Variants in P3H2 observed in about 807,000 individuals in gnomAD.
P3H2 encodes leprecan-like 1.
P3H2 carries 80 observed loss-of-function variants against 87.0 expected under a neutral mutation model. The observed-to-expected ratio is 0.92, with a 90% CI of 0.77 to 1.11. The LOEUF is 1.11. P3H2 is among the 50% of genes least tolerant of loss of function. The pLI, the probability that P3H2 is intolerant of heterozygous loss-of-function variation, is 0.00. For synonymous variants in P3H2, 367 were observed against 359.3 expected (o/e 1.02, Z -0.24); for missense variants, 1,001 against 923.9 (o/e 1.08, Z -1.08).
At chr3:190,122,113 A>AGGAGG (rs1712634703), upstream of P3H2, 2 of 143,422 alleles carry the variant, frequency 1.4e-5, no homozygotes, top group African/African-American at 2.7e-5. Flanking sequence ...AAGAAAAGAG[A>AGGAGG]GGAGAGGAGG....
chr3:190,030,053 G>A (rs1476749229), intron 1 of P3H2, among the ~76,000 whole-genome samples: 1 of 151,550 alleles, frequency 6.6e-6, no homozygotes, highest in Admixed American at 6.6e-5. Context: ...GAACTATCAG[G>A]CTAAGAGTTC....
intron 1 of P3H2, among the ~76,000 whole-genome samples, chr3:190,099,010 G>A (rs1458598481): frequency 1.3e-5 from 2 of 151,922 alleles, no homozygotes; most frequent in Non-Finnish European, 2.9e-5. Flanking sequence ...TGCCATTGCT[G>A]TATTTTGCTA....
chr3:189,978,239 T>C (rs1354909879), intron 8 of P3H2, among the ~76,000 whole-genome samples: 1 of 152,230 alleles, frequency 6.6e-6, no homozygotes, highest in Non-Finnish European at 1.5e-5. Context: ...ATTGAAGATG[T>C]ATTATTTTAA....
At position 190,000,267 on chromosome 3, in the gene P3H2, T is replaced by C. The variant is rs144022955; in HGVS notation, c.481-4825A>G. ...GTTTTAAAACTTACCACCCGCCTAT[T>C]CAAGAACACACACATAGGTCCAATT... On this transcript the variant is annotated intron_variant, in intron 1 of 14. Coordinates refer to ENST00000319332, the MANE Select transcript of P3H2 (RefSeq NM_018192.4). Among the ~76,000 whole-genome samples, 985 of 152,278 alleles carry C rather than the reference T, an allele frequency of 6.5e-3. 15 individuals carry two copies. The highest frequency in any genetic ancestry group is 0.023 in the African/African-American group (936 of 41,560).
chr3:190,037,594 C>CTCTCTGTTA (rs1491457231), intron 1 of P3H2, among the ~76,000 whole-genome samples: 2 of 150,600 alleles, frequency 1.3e-5, no homozygotes, highest in African/African-American at 4.9e-5. Context: ...ATTAGCATGA[C>CTCTCTGTTA]TCTCTGTTTT....
chr3:190,097,077 G>C lies in P3H2; in HGVS notation c.480+23175C>G, dbSNP rs560562990. Among the ~76,000 whole-genome samples the C allele has an allele frequency of 3.9e-5, 6 of 152,230 alleles. No individual in the cohort carries two copies. The East Asian group carries it at 1.2e-3, about 29-fold the overall frequency. On this transcript the variant is annotated intron_variant, in intron 1 of 14. Coordinates refer to ENST00000319332, the MANE Select transcript of P3H2 (RefSeq NM_018192.4). ...AGAATGGACAAGCCATTAAACCTCC[G>C]ATTTCTCACAGGGCTCTCGTGAGGA...
In P3H2 at chr3:189,987,769, A is replaced by G; in HGVS notation, c.956-100T>C. ...GTGTCTACAAAGGTCAGCATTAAAC[A>G]TGAATAAGAGGGAAGATAAATTGAG... On this transcript the variant is annotated intron_variant, in intron 4 of 14. Transcript: ENST00000319332. 3.0e-6 allele frequency: 4 copies of G among 1,355,766 alleles called. No homozygotes were observed. In the South Asian group the frequency reaches 4.7e-5, roughly 16 times the overall value. The allele number at this position is 1,355,766 out of a possible 1,614,324, so 84.0% of individuals were successfully genotyped here.
intron 1 of P3H2, among the ~76,000 whole-genome samples, chr3:190,014,498 T>C (rs1030382477): frequency 3.3e-5 from 5 of 152,220 alleles, no homozygotes; most frequent in African/African-American, 4.8e-5. Flanking sequence ...GAAAGCAGGC[T>C]GCCTAGAAAG....
chr3:190,025,399 C>T (rs1725058075), intron 1 of P3H2, among the ~76,000 whole-genome samples: 1 of 152,126 alleles, frequency 6.6e-6, no homozygotes, highest in African/African-American at 2.4e-5. Context: ...TTAGTCAAGA[C>T]TGTACACTCT....
At chr3:190,025,304 G>C (rs181704719) in intron 1 of P3H2, among the ~76,000 whole-genome samples, 2 of 150,924 alleles carry the variant, frequency 1.3e-5, no homozygotes, top group Non-Finnish European at 2.9e-5. Flanking sequence ...TTTCTCTTTC[G>C]CAGGCTAAAA....
At chr3:190,114,612 C>T (rs1712218077) in intron 1 of P3H2, among the ~76,000 whole-genome samples, 1 of 152,104 alleles carries the variant, frequency 6.6e-6, no homozygotes, top group Non-Finnish European at 1.5e-5. Context: ...GATTCTAATT[C>T]CTTAGCACAC....
intron 1 of P3H2, among the ~76,000 whole-genome samples, chr3:190,069,657 CAAAT>C (rs1388728502): frequency 1.3e-5 from 2 of 152,084 alleles, no homozygotes; most frequent in Non-Finnish European, 1.5e-5. Context: ...AACCAACAAA[CAAAT>C]AGAGAGAAAA....
chr3:190,114,388 G>A (rs924687648), intron 1 of P3H2, among the ~76,000 whole-genome samples: 10 of 151,578 alleles, frequency 6.6e-5, no homozygotes, highest in South Asian at 2.1e-4. Context: ...GGGTTTCACC[G>A]TGTTAGCCAG....
At chr3:190,105,609 G>T (rs16865070) in intron 1 of P3H2, among the ~76,000 whole-genome samples, 10,452 of 152,202 alleles carry the variant, frequency 0.069, 471 homozygotes, top group African/African-American at 0.12. Context: ...ACCAGCATTA[G>T]ATACACTGGA....
chr3:189,968,863 T>C (rs1383520067), intron 13 of P3H2, among the ~76,000 whole-genome samples: 1 of 152,236 alleles, frequency 6.6e-6, no homozygotes, highest in Non-Finnish European at 1.5e-5. Flanking sequence ...GAGCTTTTTT[T>C]CATATGTTTG....
At chr3:190,063,107 T>C (rs1230141481) in intron 1 of P3H2, among the ~76,000 whole-genome samples, 1 of 152,140 alleles carries the variant, frequency 6.6e-6, no homozygotes, top group Non-Finnish European at 1.5e-5. Flanking sequence ...GCTCCTGAGA[T>C]GTTTTAGTTT....
At chr3:189,991,790 T>G (rs1215668036) in intron 3 of P3H2, among the ~76,000 whole-genome samples, 1 of 152,188 alleles carries the variant, frequency 6.6e-6, no homozygotes, top group Non-Finnish European at 1.5e-5. Flanking sequence ...CCAAGTGGAG[T>G]GTAAACCATT....
intron 1 of P3H2, among the ~76,000 whole-genome samples, chr3:190,099,360 T>C (rs1055571019): frequency 1.3e-5 from 2 of 152,208 alleles, no homozygotes; most frequent in South Asian, 2.1e-4. Flanking sequence ...ACAACAGATA[T>C]TGCTTTATAG....
intron 1 of P3H2, among the ~76,000 whole-genome samples, chr3:190,110,250 TTA>T (rs1197886106): frequency 1.3e-5 from 2 of 152,198 alleles, no homozygotes; most frequent in African/African-American, 4.8e-5. Context: ...ACATTTTTTG[TTA>T]TCACTGCTTG....
Sources: allele counts gnomAD v4.1 joint callset (sites outside exome capture counted in the v4.1 genomes callset), GRCh38; gene constraint gnomAD v4.1.1; transcripts MANE v1.5; gene names NCBI Gene and HGNC (gene_info 2026-07-23, HGNC 2026-07-21).